Variants in UGT2B11 observed in about 807,000 individuals in gnomAD.
UGT2B11 encodes UDP-glucuronosyltransferase 2B11.
Under a neutral mutation model 51.7 loss-of-function variants are expected in UGT2B11, and 49 were observed. The ratio of observed to expected loss-of-function variants is 0.95; its 90% CI spans 0.75 to 1.20. The LOEUF (loss-of-function observed/expected upper bound fraction) is 1.20, where lower values mean the gene tolerates loss of function less well. Among genes scored for constraint, UGT2B11 ranks in the 50% most tolerant of loss-of-function variants. The pLI, the probability that UGT2B11 is intolerant of heterozygous loss-of-function variation, is 0.00. For missense variants in UGT2B11, 810 were observed against 622.1 expected (o/e 1.30, Z -3.21); for synonymous variants, 273 against 209.0 (o/e 1.31, Z -2.64).
chr4:69,213,876 G>C (rs1205750949), intron 1 of UGT2B11, 126 bp downstream of exon 1: 8 of 1,298,812 alleles, frequency 6.2e-6, no homozygotes, highest in African/African-American at 1.5e-5. Flanking sequence ...AGATCATCTT[G>C]TATTTTCATT....
chr4:69,210,798 A>C lies in UGT2B11; in HGVS notation c.870+1775T>G, dbSNP rs187813648. 9.6e-4 allele frequency among the ~76,000 whole-genome samples: 146 copies of C among 151,720 alleles called. 2 individuals are homozygous for C. The highest frequency in any genetic ancestry group is 3.4e-3 in the African/African-American group (142 of 41,504). Reference sequence around the variant, plus strand: ...ATACTGAGTTTTAACAATGGAATAAAATTTCAGTTTTATGTAAGCAAAAAC... The same window carrying C: ...ATACTGAGTTTTAACAATGGAATAACATTTCAGTTTTATGTAAGCAAAAAC... On this transcript the variant is annotated intron_variant, in intron 2 of 5. Coordinates refer to ENST00000446444, the MANE Select transcript of UGT2B11 (RefSeq NM_001073.3).
intron 4 of UGT2B11, among the ~76,000 whole-genome samples, chr4:69,204,990 A>G (rs544376136): frequency 5.7e-4 from 86 of 151,824 alleles, no homozygotes; most frequent in Admixed American, 5.2e-3. Context: ...TATGCGGGGT[A>G]TGCAAGGCAG....
intron 3 of UGT2B11, among the ~76,000 whole-genome samples, chr4:69,207,153 C>T (rs963341360): frequency 6.6e-6 from 1 of 151,490 alleles, no homozygotes; most frequent in Non-Finnish European, 1.5e-5. Context: ...TTGTACTTTG[C>T]TAAATTTGGT....
At chr4:69,220,144 C>G in the UGT2B11 span, among the ~76,000 whole-genome samples, 1 of 152,132 alleles carries the variant, frequency 6.6e-6, no homozygotes, top group Admixed American at 6.5e-5. Flanking sequence ...GTCCGAAATC[C>G]AGGTAAGGCA....
intron 5 of UGT2B11, among the ~76,000 whole-genome samples, chr4:69,203,205 G>A (rs1239681077): frequency 6.6e-6 from 1 of 151,560 alleles, no homozygotes; most frequent in Non-Finnish European, 1.5e-5. Flanking sequence ...CCAAGCATTG[G>A]AATAGACATG....
chr4:69,214,770 A>G (rs1483361308), upstream of UGT2B11: 6 of 1,581,512 alleles, frequency 3.8e-6, 1 homozygote, highest in African/African-American at 1.4e-5. Flanking sequence ...TCTTTCTCAT[A>G]CTTATATACA....
chr4:69,214,184 A>C lies in UGT2B11; in HGVS notation c.539T>G (p.Ile180Ser). The C allele has an allele frequency of 3.7e-6, 6 of 1,613,024 alleles. No individual in the cohort carries two copies. The highest frequency in any genetic ancestry group is 5.1e-6 in the Non-Finnish European group (6 of 1,179,380). ...AATCAGTCCTCCACTGTGCCTTTCA[A>C]TTGTGTAGCCAGGAGTAAAGCGGAG... Reference protein sequence around the residue: ...YSLRFTPGYTIERHSGGLIFP... With the variant: ...YSLRFTPGYTSERHSGGLIFP... Residue 180 changes from isoleucine (I) to serine (S), a missense_variant, in exon 1 of 6, where the codon ATT becomes AGT. By Grantham distance (142) the Ile-to-Ser change is moderately radical. Coordinates refer to ENST00000446444, the MANE Select transcript of UGT2B11 (RefSeq NM_001073.3).
At chr4:69,205,100 C>T (rs892406443) in intron 4 of UGT2B11, among the ~76,000 whole-genome samples, 15 of 151,588 alleles carry the variant, frequency 9.9e-5, no homozygotes, top group Non-Finnish European at 1.3e-4. Flanking sequence ...GGAATTTAGT[C>T]CTCCAGAAAA....
At chr4:69,222,788 G>A in the UGT2B11 span, among the ~76,000 whole-genome samples, 1 of 152,164 alleles carries the variant, frequency 6.6e-6, no homozygotes, top group African/African-American at 2.4e-5. Context: ...AGTGAGAAGG[G>A]GGCATGCACA....
intron 3 of UGT2B11, among the ~76,000 whole-genome samples, chr4:69,206,277 C>T (rs542546453): frequency 5.4e-5 from 8 of 146,928 alleles, no homozygotes; most frequent in Non-Finnish European, 1.1e-4. Flanking sequence ...ATATACACTA[C>T]GGAATATTAT....
the UGT2B11 span, among the ~76,000 whole-genome samples, chr4:69,220,947 C>T: frequency 1.3e-5 from 2 of 152,094 alleles, no homozygotes; most frequent in South Asian, 2.1e-4. Flanking sequence ...ATTTAATTCT[C>T]GTGATAATTT....
chr4:69,221,681 C>T, the UGT2B11 span, among the ~76,000 whole-genome samples: 1 of 152,214 alleles, frequency 6.6e-6, no homozygotes, highest in African/African-American at 2.4e-5. Context: ...TACAGGCTGT[C>T]CTAAGATTCC....
chr4:69,222,182 A>G, the UGT2B11 span, among the ~76,000 whole-genome samples: 9 of 152,344 alleles, frequency 5.9e-5, no homozygotes, highest in South Asian at 4.1e-4. Context: ...GTTTAATAAT[A>G]TCTCTAAATT....
chr4:69,205,074 T>A (rs2109942817), intron 4 of UGT2B11, among the ~76,000 whole-genome samples: 1 of 151,796 alleles, frequency 6.6e-6, no homozygotes, highest in East Asian at 2.0e-4. Flanking sequence ...GTGTCGTTAC[T>A]TTAAGATTAA....
At chr4:69,218,133 T>C (rs560792624), upstream of UGT2B11, among the ~76,000 whole-genome samples, 8 of 152,326 alleles carry the variant, frequency 5.3e-5, 1 homozygote, top group South Asian at 6.2e-4. Flanking sequence ...TCTTGCTTCC[T>C]ACTTTTTCAC....
upstream of UGT2B11, among the ~76,000 whole-genome samples, chr4:69,218,348 C>T (rs567207677): frequency 2.0e-5 from 3 of 152,092 alleles, no homozygotes; most frequent in East Asian, 3.9e-4. Context: ...AGGGAGAACA[C>T]AAATAGACCC....
intron 2 of UGT2B11, among the ~76,000 whole-genome samples, chr4:69,211,763 C>G (rs1372139509): frequency 1.8e-4 from 28 of 151,542 alleles, no homozygotes; most frequent in Admixed American, 1.8e-3. Context: ...CAGTGTGGCC[C>G]TTCTGTAATT....
At chr4:69,208,124 A>G (rs950667149) in intron 3 of UGT2B11, among the ~76,000 whole-genome samples, 2 of 151,604 alleles carry the variant, frequency 1.3e-5, no homozygotes, top group Non-Finnish European at 3.0e-5. Context: ...TGATACTAAT[A>G]GGAGCCACTC....
At chr4:69,209,652 A>G (rs867497838) in intron 2 of UGT2B11, among the ~76,000 whole-genome samples, 9 of 151,796 alleles carry the variant, frequency 5.9e-5, no homozygotes, top group East Asian at 5.9e-4. Flanking sequence ...TTAATCTTAC[A>G]TTAACGTGAG....
Sources: gnomAD v4.1 joint callset for allele counts (sites outside exome capture counted in the v4.1 genomes callset) on GRCh38, gnomAD v4.1.1 for gene constraint, MANE v1.5 for transcripts, NCBI Gene and HGNC (gene_info 2026-07-23, HGNC 2026-07-21) for gene names.